Variants in PTPRD observed in about 807,000 individuals in gnomAD.
The protein encoded by PTPRD is protein tyrosine phosphatase receptor type D, also known as receptor-type tyrosine-protein phosphatase delta.
In PTPRD, 34 loss-of-function variants were observed where a neutral mutation model predicts 214.5. That is an observed-to-expected ratio of 0.16 (90% CI 0.12 to 0.21). The LOEUF (loss-of-function observed/expected upper bound fraction) is 0.21. PTPRD is among the 10% of genes least tolerant of loss of function. The pLI, the probability that PTPRD is intolerant of heterozygous loss-of-function variation, is 1.00. For missense variants in PTPRD, 2,545 were observed against 2,398.7 expected (o/e 1.06, Z -1.27); for synonymous variants, 1,128 against 845.7 (o/e 1.33, Z -5.79).
intron 3 of PTPRD, among the ~76,000 whole-genome samples, chr9:10,101,897 A>G (rs1157255871): frequency 6.6e-6 from 1 of 151,630 alleles, no homozygotes; most frequent in Non-Finnish European, 1.5e-5. Context: ...GCTGTAAGGG[A>G]CAGCATTGGA....
At chr9:8,837,777 C>A (rs1298229488) in intron 11 of PTPRD, among the ~76,000 whole-genome samples, 1 of 152,186 alleles carries the variant, frequency 6.6e-6, no homozygotes, top group African/African-American at 2.4e-5. Context: ...GTTGGGATTA[C>A]AAGTGTGAGC....
At chr9:9,414,354 A>G (rs776383336) in intron 8 of PTPRD, among the ~76,000 whole-genome samples, 1 of 152,214 alleles carries the variant, frequency 6.6e-6, no homozygotes, top group Non-Finnish European at 1.5e-5. Context: ...AAGAGGCAAG[A>G]TTGGCAAGGA....
chr9:8,369,259 A>G (rs1237416427), intron 39 of PTPRD, among the ~76,000 whole-genome samples: 2 of 152,090 alleles, frequency 1.3e-5, no homozygotes, highest in Non-Finnish European at 2.9e-5. Context: ...TTTTGTTTTT[A>G]TGCTCTTATG....
intron 9 of PTPRD, among the ~76,000 whole-genome samples, chr9:9,250,808 GA>G (rs2099975163): frequency 6.6e-6 from 1 of 152,016 alleles, no homozygotes. Context: ...TGAAAAAAAT[GA>G]GTCCCAACAA....
chr9:9,944,825 A>C (rs903195846), intron 4 of PTPRD, among the ~76,000 whole-genome samples: 2 of 152,128 alleles, frequency 1.3e-5, no homozygotes, highest in Non-Finnish European at 2.9e-5. Context: ...TTTTACTTCA[A>C]ATGAAATGGA....
intron 7 of PTPRD, among the ~76,000 whole-genome samples, chr9:9,650,753 C>T (rs2096319125): frequency 6.6e-6 from 1 of 151,822 alleles, no homozygotes. Context: ...TGTAACAAAG[C>T]TGCACATGTA....
chr9:9,305,006 A>G lies in PTPRD; in HGVS notation c.-203+92443T>C, dbSNP rs544775411. ...TGTGCTTTAAACAGATTTGTCCACT[A>G]GTTCCCTTAGTTTTCGGTCAATACT... On this transcript the variant is annotated intron_variant, in intron 9 of 45. Coordinates refer to ENST00000381196, the MANE Select transcript of PTPRD (RefSeq NM_002839.4). Among the ~76,000 whole-genome samples, 11 of 148,428 alleles carry G rather than the reference A, an allele frequency of 7.4e-5. No individual in the cohort carries two copies. The Admixed American group carries it at 7.5e-4, about 10-fold the overall frequency.
At chr9:10,246,737 A>C (rs996320861) in intron 3 of PTPRD, among the ~76,000 whole-genome samples, 2 of 151,468 alleles carry the variant, frequency 1.3e-5, no homozygotes, top group Non-Finnish European at 2.9e-5. Context: ...TTAAAGCAAA[A>C]TTTCCAAAGC....
intron 10 of PTPRD, among the ~76,000 whole-genome samples, chr9:9,088,001 C>A (rs563742824): frequency 3.3e-5 from 5 of 150,240 alleles, no homozygotes; most frequent in South Asian, 4.2e-4. Flanking sequence ...CTTGCCCCAG[C>A]CTCCTGAGTA....
At chr9:10,076,217 T>C (rs2098129946) in intron 3 of PTPRD, among the ~76,000 whole-genome samples, 1 of 152,094 alleles carries the variant, frequency 6.6e-6, no homozygotes, top group Non-Finnish European at 1.5e-5. Context: ...ATCTCCCTCA[T>C]CTCCAGTTTT....
At chr9:10,270,810 C>T (rs1302216763) in intron 3 of PTPRD, among the ~76,000 whole-genome samples, 3 of 152,160 alleles carry the variant, frequency 2.0e-5, no homozygotes, top group Admixed American at 2.0e-4. Flanking sequence ...ACAGTTTTTC[C>T]TAACATTATG....
rs1450844867 is a variant in PTPRD at position 8,484,159 on chromosome 9, T to C, written c.3373A>G (p.Thr1125Ala). 1.2e-6 allele frequency: 2 copies of C among 1,614,212 alleles called. No homozygotes were observed. Among genetic ancestry groups the C allele is most frequent in the African/African-American group, 1.3e-5 (1 of 75,064 alleles). Residue 1125 changes from threonine (T) to alanine (A), a missense_variant, in exon 30 of 46, where the codon ACT becomes GCT. Coordinates refer to ENST00000381196, the MANE Select transcript of PTPRD (RefSeq NM_002839.4). ...GCAGGTACTTCAGGCAGTTGCACAGTAATCATGCCATCCAAGTTGGTCTTC... is the reference window on the plus strand; with the variant it reads ...GCAGGTACTTCAGGCAGTTGCACAGCAATCATGCCATCCAAGTTGGTCTTC... ...IGKTNLDGMI[T>A]VQLPEVPANE... is the part of the protein sequence containing the mutation.
chr9:9,189,742 C>T (rs940508050), intron 9 of PTPRD, among the ~76,000 whole-genome samples: 1 of 151,990 alleles, frequency 6.6e-6, no homozygotes, highest in African/African-American at 2.4e-5. Context: ...AATGAATAAA[C>T]AAATCAAAAT....
intron 39 of PTPRD, among the ~76,000 whole-genome samples, chr9:8,367,572 A>T (rs1182310146): frequency 6.6e-6 from 1 of 152,212 alleles, no homozygotes; most frequent in Non-Finnish European, 1.5e-5. Flanking sequence ...CATTTATTTT[A>T]GTGCAATGAT....
chr9:9,703,714 T>C (rs1367059126), intron 7 of PTPRD, among the ~76,000 whole-genome samples: 11 of 152,262 alleles, frequency 7.2e-5, no homozygotes, highest in African/African-American at 2.6e-4. Context: ...AGTGATTTTA[T>C]TTTTTTGCCA....
At chr9:9,999,557 A>G (rs2096257922) in intron 4 of PTPRD, among the ~76,000 whole-genome samples, 1 of 152,218 alleles carries the variant, frequency 6.6e-6, no homozygotes, top group African/African-American at 2.4e-5. Context: ...TGTCTTGGCA[A>G]GTAAAGTTTT....
At chr9:10,202,423 C>G (rs939727735) in intron 3 of PTPRD, among the ~76,000 whole-genome samples, 2 of 151,008 alleles carry the variant, frequency 1.3e-5, no homozygotes, top group Non-Finnish European at 2.9e-5. Context: ...GTGCTTTTCC[C>G]ACTTCCAAAT....
intron 11 of PTPRD, among the ~76,000 whole-genome samples, chr9:8,737,588 A>C (rs2154441329): frequency 6.6e-6 from 1 of 151,472 alleles, no homozygotes; most frequent in South Asian, 2.1e-4. Flanking sequence ...TACTTCCATC[A>C]CACATTATCC....
At chr9:8,768,755 T>C (rs367988079) in intron 11 of PTPRD, among the ~76,000 whole-genome samples, 7 of 152,108 alleles carry the variant, frequency 4.6e-5, no homozygotes, top group South Asian at 2.1e-4. Context: ...AAACCCTTCA[T>C]TGGAAGAAAA....
Sources: gnomAD v4.1 joint callset for allele counts (sites outside exome capture counted in the v4.1 genomes callset) on GRCh38, gnomAD v4.1.1 for gene constraint, MANE v1.5 for transcripts, NCBI Gene and HGNC (gene_info 2026-07-23, HGNC 2026-07-21) for gene names.